Variants in IFNG observed in about 807,000 individuals in gnomAD.
IFNG encodes the protein IFN-gamma.
In IFNG, 8 loss-of-function variants were observed where a neutral mutation model predicts 14.4. The observed-to-expected ratio is 0.56, with a 90% CI of 0.33 to 1.00. IFNG has a LOEUF of 1.00. IFNG is among the 50% of genes least tolerant of loss of function. The probability of loss-of-function intolerance (pLI) is 0.03; values close to 1 mark genes in which losing one functional copy is unlikely to be tolerated. For synonymous variants in IFNG, 73 were observed against 65.4 expected (o/e 1.12, Z -0.56); for missense variants, 132 against 194.9 (o/e 0.68, Z 1.92).
In IFNG at chr12:68,159,565, A is replaced by G. The variant is rs1206771822; in HGVS notation, c.51T>C (p.Gly17=). The G allele has an allele frequency of 1.2e-6, 2 of 1,607,020 alleles. No homozygotes were observed. The highest frequency in any genetic ancestry group is 2.7e-5 in the African/African-American group (2 of 74,872). The stretch of plus-strand genomic sequence containing the variant: ...GGTCCTGGCAGTAACAGCCAAGAGA[A>G]CCCAAAACGATGCAGAGCTGAAAAG... ...ILAFQLCIVL[G]SLGCYCQDPY... Residue 17 remains glycine, a synonymous_variant, in exon 1 of 4, where the codon GGT becomes GGC. Coordinates refer to ENST00000229135, the MANE Select transcript of IFNG (RefSeq NM_000619.3).
At position 68,158,030 on chromosome 12, in the gene IFNG, A is replaced by T; in HGVS notation, c.249T>A (p.Phe83Leu). The T allele has an allele frequency of 6.2e-7, 1 of 1,609,508 alleles. No homozygotes were observed. Among genetic ancestry groups the T allele is most frequent in the Non-Finnish European group, 8.5e-7 (1 of 1,177,172 alleles). The change falls in exon 3 of 4, where the codon TTT becomes TTA. Residue 83 changes from phenylalanine (F) to leucine (L), a missense_variant. Physicochemically the swap from Phe to Leu is conservative, Grantham distance 22 (BLOSUM62 0). Transcript: ENST00000229135. Reference protein sequence around the residue: ...VSFYFKLFKNFKDDQSIQKSV... With the variant: ...VSFYFKLFKNLKDDQSIQKSV... ...TCTTTTGGATGCTCTGGTCATCTTT[A>T]AAGTTTTTAAAAAGTTTGAAGTAAA...
In IFNG at chr12:68,155,071, T is replaced by C; in HGVS notation, c.*282A>G. The stretch of plus-strand genomic sequence containing the variant: ...AAATAAACACACAACCCATGGGATC[T>C]TGCTTAGGTTGGCTGCCTAGTTGGC... On this transcript the variant is annotated 3_prime_UTR_variant, in exon 4 of 4. Coordinates refer to ENST00000229135, the MANE Select transcript of IFNG (RefSeq NM_000619.3). The C allele has an allele frequency of 4.8e-6, 1 of 206,666 alleles. No individual in the cohort carries two copies. Among genetic ancestry groups the C allele is most frequent in the Non-Finnish European group, 9.6e-6 (1 of 104,264 alleles). 12.8% of individuals were successfully genotyped at this position (206,666 alleles called of 1,614,324 possible). A position where few individuals can be genotyped will look rare whatever the true frequency, so the allele number is the denominator to read the frequency against.
intron 3 of IFNG, 66 bp from the exon 4 acceptor site, chr12:68,155,553 T>A (rs1483326576): frequency 1.4e-6 from 2 of 1,429,574 alleles, no homozygotes; most frequent in East Asian, 5.0e-5. Context: ...TCTGCTAATG[T>A]CATGATGGTC....
chr12:68,159,556 G>A lies in IFNG; in HGVS notation c.60C>T (p.Gly20=), dbSNP rs752160552. ...TTACATATGGGTCCTGGCAGTAACA[G>A]CCAAGAGAACCCAAAACGATGCAGA... The part of the protein sequence containing the change: ...FQLCIVLGSL[G]CYCQDPYVKE... Residue 20 remains glycine (G), a synonymous_variant, in exon 1 of 4, where the codon GGC becomes GGT. Coordinates refer to ENST00000229135, the MANE Select transcript of IFNG (RefSeq NM_000619.3). 1.2e-6 allele frequency: 2 copies of A among 1,606,704 alleles called. No individual in the cohort carries two copies. Among genetic ancestry groups the A allele is most frequent in the Admixed American group, 1.7e-5 (1 of 59,466 alleles).
At position 68,155,432 on chromosome 12, in the gene IFNG, G is replaced by A; in HGVS notation, c.422C>T (p.Ala141Val). The change falls in exon 4 of 4, where the codon GCT becomes GTT. Residue 141 changes from alanine (A) to valine (V), a missense_variant. Transcript: ENST00000229135. ...KAIHELIQVM[A>V]ELSPAAKTGK... is the part of the protein sequence containing the mutation. The stretch of plus-strand genomic sequence containing the variant: ...TGTTTTAGCTGCTGGCGACAGTTCA[G>A]CCATCACTTGGATGAGTTCATGTAT... 6.2e-7 allele frequency: 1 copy of A among 1,612,014 alleles called. No individual in the cohort carries two copies. Among genetic ancestry groups the A allele is most frequent in the Non-Finnish European group, 8.5e-7 (1 of 1,178,758 alleles).
intron 1 of IFNG, among the ~76,000 whole-genome samples, 168 bp downstream of exon 1, chr12:68,159,334 T>C (rs938101110): frequency 6.6e-6 from 1 of 152,174 alleles, no homozygotes; most frequent in Non-Finnish European, 1.5e-5. Context: ...GTTAAAACAA[T>C]ATCTAGATTA....
chr12:68,158,269 AAAAAAG>A lies in IFNG; in HGVS notation c.115-16_115-11del, dbSNP rs2120747087. ...CTGAATGACCTGCATTCTAAAAAAA[AAAAAAG>A]AAAAAATTGGTTTACAATTAGCCCA... On this transcript the variant is annotated splice_polypyrimidine_tract_variant and intron_variant, in intron 1 of 3. Transcript: ENST00000229135. 4.4e-6 allele frequency: 7 copies of A among 1,576,628 alleles called. No individual in the cohort carries two copies.
Position 68,158,240 on chromosome 12 carries a change from A to G in IFNG, c.134T>C (p.Val45Ala). Residue 45 changes from valine (V) to alanine (A), a missense_variant, in exon 2 of 4, where the codon GTA (valine) becomes GCA (alanine). Physicochemically the swap from Val to Ala is moderately conservative, Grantham distance 64. Coordinates refer to ENST00000229135, the MANE Select transcript of IFNG (RefSeq NM_000619.3). The part of the protein sequence containing the change: ...KKYFNAGHSD[V>A]ADNGTLFLGI... ...TAAGAAAAGAGTTCCATTATCCGCT[A>G]CATCTGAATGACCTGCATTCTAAAA... The G allele has an allele frequency of 6.2e-7, 1 of 1,604,508 alleles. No individual in the cohort carries two copies. The highest frequency in any genetic ancestry group is 8.5e-7 in the Non-Finnish European group (1 of 1,177,096).
rs975056055 is a variant in IFNG at position 68,155,508 on chromosome 12, A to G, written c.367-21T>C. ...GTTACCTATCGGGAAAGAAAAGAGCAAAATTAATTTCAGGCATATAAGCCA... is the reference window on the plus strand; with the variant it reads ...GTTACCTATCGGGAAAGAAAAGAGCGAAATTAATTTCAGGCATATAAGCCA... On this transcript the variant is annotated intron_variant, in intron 3 of 3. Coordinates refer to ENST00000229135, the MANE Select transcript of IFNG (RefSeq NM_000619.3). The G allele has an allele frequency of 1.3e-5, 20 of 1,580,440 alleles. 1 individual carries two copies. The East Asian group carries it at 4.6e-4, about 37-fold the overall frequency.
chr12:68,158,376 C>G, intron 1 of IFNG, 117 bp from the exon 2 acceptor site: 1 of 689,678 alleles, frequency 1.4e-6, no homozygotes, highest in South Asian at 2.0e-5. Context: ...CTTTTCAACT[C>G]TTCTGCTTAG....
Position 68,159,491 on chromosome 12 carries a change from G to A in IFNG, c.114+11C>T, listed in dbSNP as rs200610212. ...AACCACAAACAAGTACTATTAAAAA[G>A]TCATACTTACAAAATATTTCTTAAG... On this transcript the variant is annotated intron_variant, in intron 1 of 3. Transcript: ENST00000229135. 1,130 of 1,361,974 alleles carry A rather than the reference G, an allele frequency of 8.3e-4. 1 individual carries two copies. Among genetic ancestry groups the A allele is most frequent in the Non-Finnish European group, 1.1e-3 (1,038 of 962,592 alleles). 84.4% of individuals were successfully genotyped at this position (1,361,974 alleles called of 1,614,324 possible).
intron 3 of IFNG, among the ~76,000 whole-genome samples, chr12:68,156,631 T>A (rs1882605122): frequency 6.7e-6 from 1 of 149,120 alleles, no homozygotes; most frequent in African/African-American, 2.4e-5. Context: ...AAACCACAGA[T>A]TTTTTTTCAT....
intron 3 of IFNG, 37 bp from the exon 4 acceptor site, chr12:68,155,524 A>G (rs760657665): frequency 6.4e-7 from 1 of 1,563,838 alleles, no homozygotes; most frequent in African/African-American, 1.4e-5. Flanking sequence ...AATTTCAGGC[A>G]TATAAGCCAT....
At chr12:68,156,316 A>G (rs542365417) in intron 3 of IFNG, among the ~76,000 whole-genome samples, 4 of 152,364 alleles carry the variant, frequency 2.6e-5, no homozygotes, top group African/African-American at 9.6e-5. Flanking sequence ...CCTTCTAGGC[A>G]AGCAAATTGA....
At chr12:68,159,351 C>G in intron 1 of IFNG, 151 bp downstream of exon 1, 1 of 549,720 alleles carries the variant, frequency 1.8e-6, no homozygotes, top group South Asian at 2.6e-5. Context: ...ATTATTTAGT[C>G]AAGGAACTCA....
intron 3 of IFNG, among the ~76,000 whole-genome samples, chr12:68,155,993 TC>T (rs1454104492): frequency 6.6e-6 from 1 of 152,160 alleles, no homozygotes; most frequent in African/African-American, 2.4e-5. Flanking sequence ...AGCAGATTAA[TC>T]CGGAAACCTG....
chr12:68,157,765 C>T lies in IFNG; in HGVS notation c.366+148G>A, dbSNP rs945879626. On this transcript the variant is annotated intron_variant, in intron 3 of 3. Coordinates refer to ENST00000229135, the MANE Select transcript of IFNG (RefSeq NM_000619.3). ...CTGGCTTTGCAAAGTCACCCAAACA[C>T]GAATGGAAATAGTAAGGTAGAGTTT... is the stretch of plus-strand genomic sequence containing the variant. 1.4e-4 allele frequency: 82 copies of T among 579,630 alleles called. 4 individuals carry two copies. The highest frequency in any genetic ancestry group is 3.9e-4 in the Middle Eastern group (1 of 2,552). 35.9% of individuals were successfully genotyped at this position (579,630 alleles called of 1,614,324 possible). A position where few individuals can be genotyped will look rare whatever the true frequency, so the allele number is the denominator to read the frequency against.
Position 68,155,357 on chromosome 12 carries a change from T to C in IFNG, c.497A>G (p.Gln166Arg), listed in dbSNP as rs1343745656. 1.2e-6 allele frequency: 2 copies of C among 1,605,910 alleles called. No homozygotes were observed. Among genetic ancestry groups the C allele is most frequent in the Admixed American group, 1.7e-5 (1 of 59,086 alleles). Residue 166 changes from glutamine (Q) to arginine (R), a missense_variant, in exon 4 of 4, where the codon CAG (glutamine) becomes CGG (arginine). Transcript: ENST00000229135. ...QMLFRGRRAS[Q>R] ...ATATTGCAGGCAGGACAACCATTAC[T>C]GGGATGCTCTTCGACCTCGAAACAG...
At chr12:68,156,104 A>G (rs1447901366) in intron 3 of IFNG, among the ~76,000 whole-genome samples, 1 of 152,154 alleles carries the variant, frequency 6.6e-6, no homozygotes, top group Non-Finnish European at 1.5e-5. Flanking sequence ...AAGTTTGAGA[A>G]CCACTGATCT....
Sources: gnomAD v4.1 joint callset for allele counts (sites outside exome capture counted in the v4.1 genomes callset) on GRCh38, gnomAD v4.1.1 for gene constraint, MANE v1.5 for transcripts, NCBI Gene and HGNC (gene_info 2026-07-23, HGNC 2026-07-21) for gene names.